Variants in GGCX observed in about 807,000 individuals in gnomAD.
GGCX encodes vitamin K-dependent gamma-carboxylase.
In GGCX, 63 loss-of-function variants were observed where a neutral mutation model predicts 88.5. The ratio of observed to expected loss-of-function variants is 0.71; its 90% CI spans 0.58 to 0.88. The LOEUF is 0.88. Ranked by LOEUF, GGCX falls within the 40% of genes least tolerant of loss-of-function variation. The pLI is 0.00. For missense variants in GGCX, 805 were observed against 932.9 expected, an observed-to-expected ratio of 0.86 and a Z score of 1.79; for synonymous variants, 368 against 365.8, an observed-to-expected ratio of 1.01 and a Z score of -0.07.
chr2:85,549,847 TGA>T lies in GGCX; in HGVS notation c.*85_*86del. On this transcript the variant is annotated 3_prime_UTR_variant, in exon 15 of 15. Coordinates refer to ENST00000233838, the MANE Select transcript of GGCX (RefSeq NM_000821.7). ...CCCCCAAAAAAAAAAAAAAAACTTT[TGA>T]GAATTTTTTTCAAATAAATGTCCAT... is the stretch of plus-strand genomic sequence containing the variant. 1 of 819,718 alleles carries T rather than the reference TGA, an allele frequency of 1.2e-6. No homozygotes were observed. Among genetic ancestry groups the T allele is most frequent in the Non-Finnish European group, 1.9e-6 (1 of 520,708 alleles). 50.8% of individuals were successfully genotyped at this position (819,718 alleles called of 1,614,324 possible).
intron 12 of GGCX, 100 bp downstream of exon 12, chr2:85,551,380 G>A (rs1691944321): frequency 2.5e-6 from 3 of 1,211,220 alleles, no homozygotes; most frequent in Non-Finnish European, 3.7e-6. Context: ...GGCTCACTGT[G>A]AATTCCTGGC....
At chr2:85,558,118 C>T (rs1692279765) in intron 4 of GGCX, among the ~76,000 whole-genome samples, 1 of 152,200 alleles carries the variant, frequency 6.6e-6, no homozygotes, top group Non-Finnish European at 1.5e-5. Flanking sequence ...TACATAACCA[C>T]CCTTAAAGTA....
Position 85,551,189 on chromosome 2 carries a change from A to G in GGCX, c.1741-117T>C. On this transcript the variant is annotated intron_variant, in intron 12 of 14. Transcript: ENST00000233838. ...TCAATTGTGTTTTGGAATCGAAAGT[A>G]ACGGACCTCTAGAATCCTGGATGAG... The G allele has an allele frequency of 2.9e-6, 3 of 1,049,648 alleles. No individual in the cohort carries two copies. In the South Asian group the frequency reaches 3.8e-5, roughly 13 times the overall value. 65.0% of individuals were successfully genotyped at this position (1,049,648 alleles called of 1,614,324 possible).
intron 1 of GGCX, 111 bp downstream of exon 1, chr2:85,561,275 G>T: frequency 1.7e-6 from 1 of 592,668 alleles, no homozygotes; most frequent in African/African-American, 3.0e-5. Flanking sequence ...CTTCCCCACA[G>T]AGGACCCCCC....
rs1454813059 is a variant in GGCX at position 85,560,888 on chromosome 2, A to G, written c.141T>C (p.Ser47=). Residue 47 remains serine (S), a synonymous_variant, in exon 2 of 15, where the codon AGT becomes AGC. Transcript: ENST00000233838. ...LLGFEWTDLS[S]WRRLVTLLNR... ...TCAGCAGGGTCACCAGCCTCCGCCA[A>G]CTGGACAAATCTGTCCACTCAAAAC... 14 of 1,613,944 alleles carry G rather than the reference A, an allele frequency of 8.7e-6. No individual in the cohort carries two copies. Among genetic ancestry groups the G allele is most frequent in the Non-Finnish European group, 1.2e-5 (14 of 1,179,914 alleles).
At chr2:85,560,315 G>A (rs1028339040) in intron 2 of GGCX, among the ~76,000 whole-genome samples, 1 of 152,040 alleles carries the variant, frequency 6.6e-6, no homozygotes, top group African/African-American at 2.4e-5. Context: ...AGCTGGGTAC[G>A]GTGGCTCACA....
At position 85,550,570 on chromosome 2, in the gene GGCX, T is replaced by C; in HGVS notation, c.2069A>G (p.Tyr690Cys). Residue 690 changes from tyrosine (Y) to cysteine (C), a missense_variant, in exon 14 of 15, where the codon TAT becomes TGT. Around this residue, in one of 3 missense-constraint regions of GGCX, gnomAD observed 680 missense variants for 763.7 expected, o/e 0.89. Coordinates refer to ENST00000233838, the MANE Select transcript of GGCX (RefSeq NM_000821.7). ...GTGAACTTACCTGCGGCGAAAGACATAGAGCTTTCGCAACAAGAAGCGGAA... is the reference window on the plus strand; with the variant it reads ...GTGAACTTACCTGCGGCGAAAGACACAGAGCTTTCGCAACAAGAAGCGGAA... The part of the protein sequence containing the change: ...RFFRFLLRKL[Y>C]VFRRSFLMTC... 2.5e-6 allele frequency: 4 copies of C among 1,613,558 alleles called. No homozygotes were observed. The highest frequency in any genetic ancestry group is 3.4e-6 in the Non-Finnish European group (4 of 1,179,464).
Position 85,545,495 on chromosome 2 carries a change from G to T in GGCX, c.*4439C>A. 6.6e-6 allele frequency: 1 copy of T among 152,196 alleles called. No homozygotes were observed. Among genetic ancestry groups the T allele is most frequent in the East Asian group, 1.9e-4 (1 of 5,196 alleles). 9.4% of individuals were successfully genotyped at this position (152,196 alleles called of 1,614,324 possible). ...TGAATAACCTGAGAATACTATATGT[G>T]TATCTTTAACCTTGAATTGTAATCC... is the stretch of plus-strand genomic sequence containing the variant. On this transcript the variant is annotated 3_prime_UTR_variant, in exon 15 of 15. Transcript: ENST00000233838.
At chr2:85,560,580 G>A (rs983889380) in intron 2 of GGCX, among the ~76,000 whole-genome samples, 3 of 151,502 alleles carry the variant, frequency 2.0e-5, no homozygotes, top group African/African-American at 4.9e-5. Flanking sequence ...TCCAGCTTGG[G>A]CAACAAGAGC....
chr2:85,550,203 C>A, intron 14 of GGCX, 77 bp from the exon 15 acceptor site: 1 of 1,066,470 alleles, frequency 9.4e-7, no homozygotes, highest in Non-Finnish European at 1.4e-6. Flanking sequence ...CCTTAGAAGG[C>A]ACCTGGTCCT....
At chr2:85,554,091 C>T (rs561900437) in intron 7 of GGCX, 52 bp downstream of exon 7, 16 of 1,426,916 alleles carry the variant, frequency 1.1e-5, no homozygotes, top group Non-Finnish European at 1.5e-5. Context: ...TCTGGCTAGT[C>T]CCTTCCTGCA....
At position 85,545,937 on chromosome 2, in the gene GGCX, C is replaced by T. The variant is rs538307032; in HGVS notation, c.*3997G>A. The T allele has an allele frequency of 2.6e-5, 4 of 152,272 alleles. No individual in the cohort carries two copies. Among genetic ancestry groups the T allele is most frequent in the East Asian group, 1.9e-4 (1 of 5,194 alleles). 9.4% of individuals were successfully genotyped at this position (152,272 alleles called of 1,614,324 possible). A position where few individuals can be genotyped will look rare whatever the true frequency, so the allele number is the denominator to read the frequency against. Reference sequence around the variant, plus strand: ...TATAAATTTCCAAAGGCTTAAATTTCATTTATGGCAGGTTGTGTAGAAAAT... The same window carrying T: ...TATAAATTTCCAAAGGCTTAAATTTTATTTATGGCAGGTTGTGTAGAAAAT... On this transcript the variant is annotated 3_prime_UTR_variant, in exon 15 of 15. Transcript: ENST00000233838.
chr2:85,556,284 G>A (rs1210044993), intron 4 of GGCX, 24 bp from the exon 5 acceptor site: 2 of 1,468,652 alleles, frequency 1.4e-6, no homozygotes, highest in Non-Finnish European at 1.9e-6. Flanking sequence ...GGTAAACATT[G>A]AGGGGGGAGC....
chr2:85,555,407 G>T (rs1326253501), intron 6 of GGCX, 77 bp downstream of exon 6: 4 of 796,774 alleles, frequency 5.0e-6, no homozygotes, highest in African/African-American at 3.4e-5. Flanking sequence ...GTAGGAACAG[G>T]TGCCATTACT....
At position 85,546,536 on chromosome 2, in the gene GGCX, A is replaced by G. The variant is rs35416445; in HGVS notation, c.*3398T>C. The G allele has an allele frequency of 0.3, 44,833 of 151,686 alleles. 6,806 individuals are homozygous for G. The highest frequency in any genetic ancestry group is 0.36 in the African/African-American group (14,891 of 41,352). 9.4% of individuals were successfully genotyped at this position (151,686 alleles called of 1,614,324 possible). Reference sequence around the variant, plus strand: ...TTTGATACCAGCCTGGCAAACTGAAACCCCGTCTCTACCAAAAATACAAAA... The same window carrying G: ...TTTGATACCAGCCTGGCAAACTGAAGCCCCGTCTCTACCAAAAATACAAAA... On this transcript the variant is annotated 3_prime_UTR_variant, in exon 15 of 15. Transcript: ENST00000233838.
chr2:85,560,406 G>A lies in GGCX; in HGVS notation c.214+409C>T, dbSNP rs61455080. 5.1e-3 allele frequency among the ~76,000 whole-genome samples: 780 copies of A among 152,128 alleles called. 13 individuals carry two copies. The highest frequency in any genetic ancestry group is 0.018 in the African/African-American group (749 of 41,518). On this transcript the variant is annotated intron_variant, in intron 2 of 14. Transcript: ENST00000233838. ...GTTTGAGACCAGCCTGGCCAACATGGTGAAACCCCGTCTCTACTAAAAACA... is the reference window on the plus strand; with the variant it reads ...GTTTGAGACCAGCCTGGCCAACATGATGAAACCCCGTCTCTACTAAAAACA...
intron 2 of GGCX, 132 bp from the exon 3 acceptor site, chr2:85,559,207 GTATTAAT>G: frequency 1.3e-6 from 1 of 781,850 alleles, no homozygotes; most frequent in Middle Eastern, 3.5e-4. Flanking sequence ...CATTTATTCA[GTATTAAT>G]TATTGAGTGC....
In GGCX at chr2:85,548,276, G is replaced by A. The variant is rs1323494156; in HGVS notation, c.*1658C>T. The A allele has an allele frequency of 1.3e-5, 2 of 152,214 alleles. No homozygotes were observed. The highest frequency in any genetic ancestry group is 4.8e-5 in the African/African-American group (2 of 41,440). The allele number at this position is 152,214 out of a possible 1,614,324, so 9.4% of individuals were successfully genotyped here. ...AATTTTAAGAAATGCAAGGAAAAAG[G>A]AAGAGTCAAGGCTGATGACCTAGAG... On this transcript the variant is annotated 3_prime_UTR_variant, in exon 15 of 15. Transcript: ENST00000233838.
Position 85,550,927 on chromosome 2 carries a change from C to T in GGCX, c.1886G>A (p.Ser629Asn). The T allele has an allele frequency of 6.2e-7, 1 of 1,614,168 alleles. No individual in the cohort carries two copies. The highest frequency in any genetic ancestry group is 1.1e-5 in the South Asian group (1 of 91,082). ...AGCCCAAATGTTCATACACTCACCACTTCCATTCTCCACCTTTTCCTTTAA... is the reference window on the plus strand; with the variant it reads ...AGCCCAAATGTTCATACACTCACCATTTCCATTCTCCACCTTTTCCTTTAA... ...QELKEKVENG[S>N]ETGPLPPELQ... Residue 629 changes from serine (S) to asparagine (N), a missense_variant and splice_region_variant, in exon 13 of 15, where the codon AGT becomes AAT. Physicochemically the swap from Ser to Asn is conservative, Grantham distance 46 (BLOSUM62 1). Transcript: ENST00000233838.
Sources: gnomAD v4.1 joint callset for allele counts (sites outside exome capture counted in the v4.1 genomes callset) on GRCh38, gnomAD v4.1.1 for gene constraint, gnomAD v4.1.1 regional missense constraint, MANE v1.5 for transcripts, NCBI Gene and HGNC (gene_info 2026-07-23, HGNC 2026-07-21) for gene names.